POLN: variants seen among roughly 807,000 people sequenced by gnomAD.
POLN encodes DNA polymerase N.
In POLN, 108 loss-of-function variants were observed where a neutral mutation model predicts 113.5. That is an observed-to-expected ratio of 0.95 (90% CI 0.81 to 1.12). POLN has a LOEUF of 1.12. POLN is among the 50% of genes most tolerant of loss of function. The probability of loss-of-function intolerance (pLI) is 0.00; values close to 1 mark genes in which losing one functional copy is unlikely to be tolerated. For synonymous variants in POLN, 386 were observed against 391.5 expected (o/e 0.99, Z 0.17); for missense variants, 1,097 against 1,077.1 (o/e 1.02, Z -0.26).
chr4:2,135,494 C>T lies in POLN; in HGVS notation c.1732-4204G>A, dbSNP rs183811457. Among the ~76,000 whole-genome samples, 7 of 152,318 alleles carry T rather than the reference C, an allele frequency of 4.6e-5. No homozygotes were observed. In the East Asian group the frequency reaches 1.4e-3, roughly 29 times the overall value. On this transcript the variant is annotated intron_variant, in intron 16 of 25. Coordinates refer to ENST00000511885, the MANE Select transcript of POLN (RefSeq NM_181808.4). ...AAACACTGCTGCGCTTCTCTATGGG[C>T]CTCTGTGATGCAAGCAGCCATCAGA...
At chr4:2,090,438 A>G (rs1486573885) in intron 20 of POLN, 3 of 591,812 alleles carry the variant, frequency 5.1e-6, no homozygotes, top group East Asian at 2.7e-5. Flanking sequence ...ATTCTTTCAG[A>G]TCTTCATGAT....
intron 3 of POLN, among the ~76,000 whole-genome samples, chr4:2,220,803 C>G (rs889717634): frequency 3.9e-5 from 6 of 152,090 alleles, no homozygotes; most frequent in Non-Finnish European, 7.3e-5. Context: ...ACTTAATGAC[C>G]AGGAGAGGAG....
intron 6 of POLN, among the ~76,000 whole-genome samples, chr4:2,194,587 C>A (rs1577760333): frequency 6.6e-6 from 1 of 152,328 alleles, no homozygotes; most frequent in Middle Eastern, 3.4e-3. Context: ...CCATGGAGAT[C>A]ACTTCCCTTT....
At chr4:2,204,790 G>C (rs1412214905) in intron 5 of POLN, among the ~76,000 whole-genome samples, 1 of 152,074 alleles carries the variant, frequency 6.6e-6, no homozygotes, top group Non-Finnish European at 1.5e-5. Flanking sequence ...TCTAACATAC[G>C]CAAGTCAATA....
intron 24 of POLN, among the ~76,000 whole-genome samples, chr4:2,074,366 C>T (rs1047667190): frequency 4.6e-5 from 7 of 152,214 alleles, no homozygotes; most frequent in Non-Finnish European, 1.0e-4. Context: ...CCCGAGTGCT[C>T]CTGAGAGAGC....
chr4:2,147,932 C>T (rs991767187), intron 16 of POLN, among the ~76,000 whole-genome samples: 9 of 152,072 alleles, frequency 5.9e-5, no homozygotes, highest in Non-Finnish European at 1.2e-4. Context: ...CATGAGCCAC[C>T]GTGCCCAGCC....
intron 19 of POLN, among the ~76,000 whole-genome samples, chr4:2,114,334 C>T (rs1731268539): frequency 6.6e-6 from 1 of 152,108 alleles, no homozygotes; most frequent in Non-Finnish European, 1.5e-5. Context: ...CATTCTGGTG[C>T]TCTTTCTTCC....
intron 19 of POLN, among the ~76,000 whole-genome samples, chr4:2,120,654 C>A (rs577529516): frequency 4.6e-5 from 7 of 152,014 alleles, no homozygotes; most frequent in Admixed American, 4.6e-4. Context: ...TCACTACAAC[C>A]GGCTAATTTT....
Position 2,172,429 on chromosome 4 carries a change from G to A in POLN, c.1375-1248C>T, listed in dbSNP as rs186802752. Among the ~76,000 whole-genome samples, 12 of 152,122 alleles carry A rather than the reference G, an allele frequency of 7.9e-5. No individual in the cohort carries two copies. The East Asian group carries it at 1.7e-3, about 22-fold the overall frequency. ...ATTCTTTCACAACAACTGTGTATTC[G>A]CCCTTAGCTTCCTTTTAAAAATCTC... On this transcript the variant is annotated intron_variant, in intron 11 of 25. Coordinates refer to ENST00000511885, the MANE Select transcript of POLN (RefSeq NM_181808.4).
chr4:2,153,969 G>A (rs570597898), intron 16 of POLN, among the ~76,000 whole-genome samples: 52 of 151,446 alleles, frequency 3.4e-4, no homozygotes, highest in South Asian at 1.2e-3. Context: ...AGGCCGAGGC[G>A]GGCGGATCAC....
At chr4:2,234,455 T>C (rs1270390039) in intron 2 of POLN, 3 of 153,046 alleles carry the variant, frequency 2.0e-5, no homozygotes, top group African/African-American at 4.8e-5. Context: ...CCCCATATCC[T>C]TGGTCTTGAC....
intron 3 of POLN, among the ~76,000 whole-genome samples, chr4:2,213,688 G>GAAAATAT (rs1265070408): frequency 2.0e-5 from 3 of 151,778 alleles, no homozygotes; most frequent in African/African-American, 4.8e-5. Context: ...GCAAATAGGG[G>GAAAATAT]AAAATATTTC....
intron 7 of POLN, among the ~76,000 whole-genome samples, chr4:2,188,830 C>A (rs182194388): frequency 4.7e-4 from 71 of 152,178 alleles, no homozygotes; most frequent in Non-Finnish European, 8.7e-4. Flanking sequence ...AAGAGATGGG[C>A]CATATAAAAA....
chr4:2,082,537 T>A (rs1730446270), intron 21 of POLN: 1 of 152,248 alleles, frequency 6.6e-6, no homozygotes, highest in African/African-American at 2.4e-5. Context: ...ACACACTGTG[T>A]TAGCTGACTA....
At chr4:2,238,555 G>C in intron 2 of POLN, 1 of 1,270,904 alleles carries the variant, frequency 7.9e-7, no homozygotes, top group Non-Finnish European at 1.1e-6. Context: ...CTAGTATTTC[G>C]CAAAAACAAA....
chr4:2,121,640 T>C (rs1014977743), intron 19 of POLN, among the ~76,000 whole-genome samples: 2 of 152,086 alleles, frequency 1.3e-5, no homozygotes, highest in African/African-American at 4.8e-5. Context: ...TGAATTGTTA[T>C]AGTATTCCCT....
At position 2,145,503 on chromosome 4, in the gene POLN, A is replaced by G. The variant is rs1732116183; in HGVS notation, c.1731+11285T>C. Among the ~76,000 whole-genome samples, 3 of 152,214 alleles carry G rather than the reference A, an allele frequency of 2.0e-5. No individual in the cohort carries two copies. In the South Asian group the frequency reaches 6.2e-4, roughly 32 times the overall value. On this transcript the variant is annotated intron_variant, in intron 16 of 25. Transcript: ENST00000511885. Reference sequence around the variant, plus strand: ...CTGAAAATGGGCAAAAGAAATAAACAAGTGAGTCATTGAAAAAATTCAAAT... The same window carrying G: ...CTGAAAATGGGCAAAAGAAATAAACGAGTGAGTCATTGAAAAAATTCAAAT...
chr4:2,193,151 A>G, intron 7 of POLN, 53 bp downstream of exon 7: 1 of 1,330,992 alleles, frequency 7.5e-7, no homozygotes, highest in Non-Finnish European at 1.1e-6. Flanking sequence ...CATTCATAGG[A>G]GGAGTCACAG....
chr4:2,212,967 C>T, intron 4 of POLN, 80 bp downstream of exon 4: 1 of 945,044 alleles, frequency 1.1e-6, no homozygotes, highest in East Asian at 2.7e-5. Context: ...CAGTGCCTAG[C>T]ACACAGTAGA....
Sources: gnomAD v4.1 joint callset for allele counts (sites outside exome capture counted in the v4.1 genomes callset) on GRCh38, gnomAD v4.1.1 for gene constraint, MANE v1.5 for transcripts, NCBI Gene and HGNC (gene_info 2026-07-23, HGNC 2026-07-21) for gene names.